Variants in RNFT2 observed in about 807,000 individuals in gnomAD.
RNFT2 encodes E3 ubiquitin-protein ligase RNFT2.
RNFT2 carries 36 observed loss-of-function variants against 53.0 expected under a neutral mutation model. The observed-to-expected ratio is 0.68, with a 90% confidence interval of 0.52 to 0.90. The LOEUF is 0.90. RNFT2 is among the 40% of genes least tolerant of loss of function. The pLI, the probability that RNFT2 is intolerant of heterozygous loss-of-function variation, is 0.00. For synonymous variants in RNFT2, 260 were observed against 253.2 expected, an observed-to-expected ratio of 1.03 and a Z score of -0.26; for missense variants, 514 against 585.6, an observed-to-expected ratio of 0.88 and a Z score of 1.26.
chr12:116,807,868 A>G (rs1247095404), intron 7 of RNFT2, among the ~76,000 whole-genome samples: 2 of 151,960 alleles, frequency 1.3e-5, no homozygotes, highest in Admixed American at 1.3e-4. Flanking sequence ...CTTTGATGCG[A>G]TTGTGGCTCA....
intron 10 of RNFT2, among the ~76,000 whole-genome samples, chr12:116,841,946 TAAATATATATATAGAG>T (rs1259638269): frequency 0.15 from 5,275 of 34,796 alleles, 1,020 homozygotes; most frequent in African/African-American, 0.41. Context: ...AATATATATA[TAAATATATATATAGAG>T]AGAGAGAGAG....
chr12:116,752,850 C>T (rs1872314830), intron 4 of RNFT2, among the ~76,000 whole-genome samples: 1 of 152,110 alleles, frequency 6.6e-6, no homozygotes, highest in Non-Finnish European at 1.5e-5. Context: ...TGCACTCCAG[C>T]CTGGGCGACA....
chr12:116,769,501 C>G (rs1873078471), intron 6 of RNFT2, among the ~76,000 whole-genome samples: 1 of 152,152 alleles, frequency 6.6e-6, no homozygotes, highest in Non-Finnish European at 1.5e-5. Context: ...ATGATTCTGA[C>G]CCCACGTAGG....
At position 116,806,379 on chromosome 12, in the gene RNFT2, AAAATAT is replaced by A. The variant is rs1286836069; in HGVS notation, c.882+27033_882+27038del. On this transcript the variant is annotated intron_variant, in intron 7 of 10. Coordinates refer to ENST00000257575, the MANE Select transcript of RNFT2 (RefSeq NM_001382266.1). ...AGTGAGACTGTCTCAAAAAAAAAAA[AAAATAT>A]ATATATATATATATAGATAGATAGA... Among the ~76,000 whole-genome samples, 306 of 129,868 alleles carry A rather than the reference AAAATAT, an allele frequency of 2.4e-3. 1 individual carries two copies. Among genetic ancestry groups the A allele is most frequent in the African/African-American group, 9.5e-3 (270 of 28,520 alleles). 85.2% of individuals were successfully genotyped at this position (129,868 alleles called of 152,430 possible).
chr12:116,774,780 G>A, intron 6 of RNFT2, among the ~76,000 whole-genome samples: 1 of 150,448 alleles, frequency 6.6e-6, no homozygotes. Context: ...CGGGTGGAGG[G>A]TGGAGGGTGG....
rs71095601 is a variant in RNFT2, at chr12:116,832,898, C to CTTTTT, written c.883-874_883-870dup. ...CCAGTGTGAGTACCCAAGTCGTGTT[C>CTTTTT]TTTTTTTTTTTTTTTTTTTTTTTTG... On this transcript the variant is annotated intron_variant, in intron 7 of 10. Transcript: ENST00000257575. Among the ~76,000 whole-genome samples, 37 of 84,758 alleles carry CTTTTT rather than the reference C, an allele frequency of 4.4e-4. 2 individuals carry two copies. Among genetic ancestry groups the CTTTTT allele is most frequent in the South Asian group, 5.1e-4 (1 of 1,958 alleles). The allele number at this position is 84,758 out of a possible 152,430, so 55.6% of individuals were successfully genotyped here.
chr12:116,799,094 A>T (rs1874643869), intron 7 of RNFT2, among the ~76,000 whole-genome samples: 1 of 152,204 alleles, frequency 6.6e-6, no homozygotes, highest in African/African-American at 2.4e-5. Flanking sequence ...GTCTACTTCC[A>T]GGCTCATTAA....
intron 7 of RNFT2, among the ~76,000 whole-genome samples, chr12:116,823,310 A>C (rs1329822983): frequency 6.6e-6 from 1 of 152,230 alleles, no homozygotes; most frequent in Non-Finnish European, 1.5e-5. Flanking sequence ...CCAAAGTCAC[A>C]CAGATACAGA....
rs1358912639 is a variant in RNFT2 at position 116,852,398 on chromosome 12, C to G, written c.*2950C>G. On this transcript the variant is annotated 3_prime_UTR_variant, in exon 11 of 11. Coordinates refer to ENST00000257575, the MANE Select transcript of RNFT2 (RefSeq NM_001382266.1). Reference sequence around the variant, plus strand: ...GGACTTTCCCCTTGGCTTGGCATCCCTGGCTCTCTCCTGGTACCCAGCAAG... The same window carrying G: ...GGACTTTCCCCTTGGCTTGGCATCCGTGGCTCTCTCCTGGTACCCAGCAAG... 1.5e-6 allele frequency: 2 copies of G among 1,327,912 alleles called. No homozygotes were observed. Among genetic ancestry groups the G allele is most frequent in the African/African-American group, 3.0e-5 (2 of 67,790 alleles). The allele number at this position is 1,327,912 out of a possible 1,614,324, so 82.3% of individuals were successfully genotyped here. A position where few individuals can be genotyped will look rare whatever the true frequency, so the allele number is the denominator to read the frequency against.
At chr12:116,751,010 A>G (rs1872227653) in intron 4 of RNFT2, among the ~76,000 whole-genome samples, 1 of 148,608 alleles carries the variant, frequency 6.7e-6, no homozygotes, top group Non-Finnish European at 1.5e-5. Flanking sequence ...TTTGCCTCCC[A>G]GGTTGGTTAT....
intron 7 of RNFT2, among the ~76,000 whole-genome samples, chr12:116,792,098 G>C (rs1179819809): frequency 2.0e-5 from 3 of 152,080 alleles, no homozygotes; most frequent in Admixed American, 1.3e-4. Flanking sequence ...TGCTCAAGCT[G>C]GAGTTCAGTG....
intron 5 of RNFT2, among the ~76,000 whole-genome samples, chr12:116,759,756 A>G (rs4767448): frequency 0.93 from 142,232 of 152,198 alleles, 66,514 homozygotes; most frequent in Admixed American, 0.96. Flanking sequence ...GCCTGTTGCC[A>G]TGGAGGTGGT....
rs4767444 is a variant in RNFT2 at position 116,753,888 on chromosome 12, G to A, written c.551-96G>A. The stretch of plus-strand genomic sequence containing the variant: ...TCTCTCTCTTCTGTCAACTCTGAGG[G>A]GACCAGGGATGTGCCTTTTCCCCCA... On this transcript the variant is annotated intron_variant, in intron 4 of 10. Transcript: ENST00000257575. 5.7e-3 allele frequency: 4,922 copies of A among 857,526 alleles called. 38 individuals are homozygous for A. Among genetic ancestry groups the A allele is most frequent in the Middle Eastern group, 0.041 (184 of 4,460 alleles). 53.1% of individuals were successfully genotyped at this position (857,526 alleles called of 1,614,324 possible).
Position 116,768,435 on chromosome 12 carries a change from G to A in RNFT2, c.728+1521G>A, listed in dbSNP as rs151246961. On this transcript the variant is annotated intron_variant, in intron 6 of 10. Coordinates refer to ENST00000257575, the MANE Select transcript of RNFT2 (RefSeq NM_001382266.1). ...CTTTTATATTACAGTCATGTGTCACGTAATGATGTTTCTGTCAACGATGGA... is the reference window on the plus strand; with the variant it reads ...CTTTTATATTACAGTCATGTGTCACATAATGATGTTTCTGTCAACGATGGA... Among the ~76,000 whole-genome samples, 438 of 152,202 alleles carry A rather than the reference G, an allele frequency of 2.9e-3. 2 individuals are homozygous for A. The highest frequency in any genetic ancestry group is 9.8e-3 in the African/African-American group (408 of 41,528).
chr12:116,755,824 C>T (rs1297883745), intron 5 of RNFT2: 4 of 1,569,792 alleles, frequency 2.5e-6, no homozygotes, highest in Non-Finnish European at 3.5e-6. Flanking sequence ...TTCTAAAAGG[C>T]CTAGAGAACA....
intron 3 of RNFT2, among the ~76,000 whole-genome samples, chr12:116,742,227 G>C (rs1871641248): frequency 1.3e-5 from 2 of 150,300 alleles, no homozygotes. Context: ...TGGCTAGTTT[G>C]AATCATGTTG....
At chr12:116,834,776 A>T (rs376022507) in intron 8 of RNFT2, among the ~76,000 whole-genome samples, 4 of 151,636 alleles carry the variant, frequency 2.6e-5, no homozygotes, top group East Asian at 3.9e-4. Context: ...TTTCTCACCT[A>T]TGAAGCTCAC....
At chr12:116,777,725 T>C (rs1873499116) in intron 6 of RNFT2, among the ~76,000 whole-genome samples, 1 of 152,202 alleles carries the variant, frequency 6.6e-6, no homozygotes, top group African/African-American at 2.4e-5. Flanking sequence ...CTGTCCATTA[T>C]CTCATCAAAT....
At chr12:116,771,430 G>A (rs11068177) in intron 6 of RNFT2, among the ~76,000 whole-genome samples, 7,577 of 131,662 alleles carry the variant, frequency 0.058, 590 homozygotes, top group African/African-American at 0.17. Context: ...ACTGCACTCC[G>A]GCCTGGGTGA....
Sources: gnomAD v4.1 joint callset for allele counts (sites outside exome capture counted in the v4.1 genomes callset) on GRCh38, gnomAD v4.1.1 for gene constraint, MANE v1.5 for transcripts, NCBI Gene and HGNC (gene_info 2026-07-23, HGNC 2026-07-21) for gene names.